The following AXDND1 variants were observed in gnomAD, a reference collection of about 807,000 sequenced individuals.
The protein encoded by AXDND1 is axonemal dynein light chain domain containing 1.
In AXDND1, 110 loss-of-function variants were observed where a neutral mutation model predicts 137.5. That is an observed-to-expected ratio of 0.80 (90% CI 0.69 to 0.94). The LOEUF is 0.94. Among genes scored for constraint, AXDND1 ranks in the 40% least tolerant of loss-of-function variants. The probability of loss-of-function intolerance (pLI) is 0.00; values close to 1 mark genes in which losing one functional copy is unlikely to be tolerated. For synonymous variants in AXDND1, 414 were observed against 399.7 expected (o/e 1.04, Z -0.43); for missense variants, 1,191 against 1,169.8 (o/e 1.02, Z -0.26).
intron 12 of AXDND1, among the ~76,000 whole-genome samples, chr1:179,423,036 T>C (rs1200369782): frequency 6.6e-6 from 1 of 152,198 alleles, no homozygotes; most frequent in Non-Finnish European, 1.5e-5. Flanking sequence ...AGTGCTGGGA[T>C]TACAGGTGTG....
At chr1:179,458,860 T>A (rs897429832) in intron 16 of AXDND1, among the ~76,000 whole-genome samples, 1 of 140,878 alleles carries the variant, frequency 7.1e-6, no homozygotes, top group Non-Finnish European at 1.5e-5. Context: ...TATCAACATT[T>A]TTATTTTTTT....
intron 12 of AXDND1, among the ~76,000 whole-genome samples, chr1:179,413,033 T>G (rs6684145): frequency 0.33 from 50,223 of 151,970 alleles, 8,741 homozygotes; most frequent in Middle Eastern, 0.43. Context: ...CAATTGAGAT[T>G]ACTACATCTT....
intron 20 of AXDND1, among the ~76,000 whole-genome samples, chr1:179,493,634 C>G (rs1044439000): frequency 3.9e-5 from 6 of 152,138 alleles, no homozygotes; most frequent in Non-Finnish European, 7.4e-5. Flanking sequence ...AAGGAATAAG[C>G]TCTAGTATTC....
intron 4 of AXDND1, among the ~76,000 whole-genome samples, 159 bp downstream of exon 4, chr1:179,370,237 A>T (rs1480593184): frequency 6.6e-6 from 1 of 152,202 alleles, no homozygotes; most frequent in Non-Finnish European, 1.5e-5. Context: ...AGGGCCAAAG[A>T]CCATCTTTTT....
chr1:179,532,147 C>G (rs968368057), intron 23 of AXDND1, among the ~76,000 whole-genome samples: 1 of 152,146 alleles, frequency 6.6e-6, no homozygotes, highest in African/African-American at 2.4e-5. Context: ...CTGAAGCTCT[C>G]CTATTGAAGG....
intron 16 of AXDND1, among the ~76,000 whole-genome samples, chr1:179,464,860 C>G (rs1034198097): frequency 1.3e-5 from 2 of 152,146 alleles, no homozygotes; most frequent in Admixed American, 6.5e-5. Context: ...TCATTTCATT[C>G]ATTCGATCTT....
At chr1:179,369,120 C>T in intron 3 of AXDND1, 148 bp downstream of exon 3, 2 of 839,172 alleles carry the variant, frequency 2.4e-6, no homozygotes, top group Non-Finnish European at 3.5e-6. Context: ...TACTGTGGCC[C>T]AGGCTGGAGA....
chr1:179,464,212 A>G (rs908623670), intron 16 of AXDND1, among the ~76,000 whole-genome samples: 4 of 152,198 alleles, frequency 2.6e-5, no homozygotes, highest in African/African-American at 7.2e-5. Context: ...CCTAGCATCA[A>G]TGGTCGTTAC....
intron 6 of AXDND1, among the ~76,000 whole-genome samples, chr1:179,382,486 A>G (rs1482784253): frequency 2.0e-5 from 3 of 152,142 alleles, no homozygotes; most frequent in Non-Finnish European, 4.4e-5. Flanking sequence ...TTATTTGAAC[A>G]CTTATTTTCT....
At chr1:179,430,411 C>T (rs1258549198) in intron 13 of AXDND1, 41 bp from the exon 14 acceptor site, 4 of 1,465,652 alleles carry the variant, frequency 2.7e-6, no homozygotes, top group East Asian at 2.3e-5. Flanking sequence ...TTGTTATATA[C>T]ATAAATGAAT....
chr1:179,468,038 T>C (rs981477327), intron 16 of AXDND1, among the ~76,000 whole-genome samples: 1 of 152,202 alleles, frequency 6.6e-6, no homozygotes, highest in Non-Finnish European at 1.5e-5. Context: ...TATGATAATC[T>C]ATTTTAATTT....
intron 16 of AXDND1, among the ~76,000 whole-genome samples, chr1:179,459,949 C>A (rs565689149): frequency 7.7e-6 from 1 of 130,428 alleles, no homozygotes; most frequent in Admixed American, 8.7e-5. Context: ...TCTCTCTTTT[C>A]TTTTCTTCCT....
At chr1:179,414,069 A>G (rs1179326409) in intron 12 of AXDND1, among the ~76,000 whole-genome samples, 2 of 152,178 alleles carry the variant, frequency 1.3e-5, no homozygotes, top group African/African-American at 4.8e-5. Flanking sequence ...GCTGAATATA[A>G]GATAAATATA....
chr1:179,412,876 C>T (rs970708978), intron 12 of AXDND1, among the ~76,000 whole-genome samples: 7 of 152,166 alleles, frequency 4.6e-5, no homozygotes, highest in African/African-American at 1.7e-4. Context: ...ATGGGGAAGA[C>T]ATTCTGCTTT....
At chr1:179,474,987 A>T (rs1326550291) in intron 17 of AXDND1, among the ~76,000 whole-genome samples, 1 of 152,228 alleles carries the variant, frequency 6.6e-6, no homozygotes, top group Admixed American at 6.5e-5. Context: ...CTTCAGCTCC[A>T]GCTGTGGCTA....
chr1:179,374,432 C>A (rs190631244), intron 4 of AXDND1, among the ~76,000 whole-genome samples: 1 of 152,144 alleles, frequency 6.6e-6, no homozygotes, highest in Non-Finnish European at 1.5e-5. Flanking sequence ...CCTCAAGGAT[C>A]TAGAACTAGA....
intron 17 of AXDND1, among the ~76,000 whole-genome samples, chr1:179,475,093 C>T (rs576947122): frequency 6.6e-6 from 1 of 152,308 alleles, no homozygotes; most frequent in African/African-American, 2.4e-5. Context: ...GGAACCTTCA[C>T]CTAGATTTCA....
chr1:179,470,595 T>G (rs1244650856), intron 17 of AXDND1, among the ~76,000 whole-genome samples: 1 of 152,144 alleles, frequency 6.6e-6, no homozygotes, highest in Non-Finnish European at 1.5e-5. Flanking sequence ...ATTGCATATG[T>G]ATAGGAACAC....
chr1:179,398,933 T>C (rs1415512509), intron 11 of AXDND1, among the ~76,000 whole-genome samples: 2 of 152,042 alleles, frequency 1.3e-5, no homozygotes, highest in Non-Finnish European at 2.9e-5. Context: ...GCAGGGTGTA[T>C]GCACACATGC....
Sources: gnomAD v4.1 joint callset for allele counts (sites outside exome capture counted in the v4.1 genomes callset) on GRCh38, gnomAD v4.1.1 for gene constraint, MANE v1.5 for transcripts, NCBI Gene and HGNC (gene_info 2026-07-23, HGNC 2026-07-21) for gene names.